The following MAP3K7CL variants were observed in gnomAD, a reference collection of about 807,000 sequenced individuals.
MAP3K7CL encodes MAP3K7 C-terminal like, also known as MAP3K7 C-terminal-like protein.
MAP3K7CL carries 16 observed loss-of-function variants against 18.6 expected under a neutral mutation model. That is an observed-to-expected ratio of 0.86 (90% CI 0.58 to 1.31). MAP3K7CL has a LOEUF of 1.31. Ranked by LOEUF, MAP3K7CL falls within the 50% of genes most tolerant of loss-of-function variation. The probability of loss-of-function intolerance (pLI) is 0.00; values close to 1 mark genes in which losing one functional copy is unlikely to be tolerated. For missense variants in MAP3K7CL, 163 were observed against 174.4 expected (o/e 0.93, Z 0.37); for synonymous variants, 65 against 66.8 (o/e 0.97, Z 0.13).
chr21:29,159,710 C>G (rs1275469885), intron 3 of MAP3K7CL, among the ~76,000 whole-genome samples: 4 of 152,046 alleles, frequency 2.6e-5, no homozygotes, highest in African/African-American at 9.7e-5. Context: ...GCCTGAGATG[C>G]CCATGAATGA....
chr21:29,125,362 C>T (rs1025790361), intron 4 of MAP3K7CL, among the ~76,000 whole-genome samples: 1 of 152,180 alleles, frequency 6.6e-6, no homozygotes, highest in African/African-American at 2.4e-5. Context: ...ATTGCTCTGT[C>T]TCCTTCATTA....
In MAP3K7CL at chr21:29,141,888, A is replaced by G. The variant is rs552327534; in HGVS notation, c.71-7301A>G. 5.3e-5 allele frequency among the ~76,000 whole-genome samples: 8 copies of G among 152,308 alleles called. 1 individual carries two copies. Among genetic ancestry groups the G allele is most frequent in the African/African-American group, 1.9e-4 (8 of 41,572 alleles). On this transcript the variant is annotated intron_variant, in intron 2 of 4. Transcript: ENST00000399928. Reference sequence around the variant, plus strand: ...TACTCTAACAAGGACTTGGGTATCTAGCAATTAATTTTTTTTGATATATTG... The same window carrying G: ...TACTCTAACAAGGACTTGGGTATCTGGCAATTAATTTTTTTTGATATATTG...
upstream of MAP3K7CL, chr21:29,077,402 CG>C (rs2085766696): frequency 6.5e-6 from 1 of 153,216 alleles, no homozygotes; most frequent in African/African-American, 2.4e-5. Context: ...GGCCGGCAGG[CG>C]GCTCCGAGTT....
At chr21:29,117,691 G>A (rs1473585276) in intron 4 of MAP3K7CL, among the ~76,000 whole-genome samples, 1 of 152,226 alleles carries the variant, frequency 6.6e-6, no homozygotes, top group East Asian at 1.9e-4. Flanking sequence ...ATTTTAGGAT[G>A]TGATGGCTTA....
chr21:29,164,767 G>A (rs750207872), intron 4 of MAP3K7CL, among the ~76,000 whole-genome samples: 33 of 151,646 alleles, frequency 2.2e-4, no homozygotes, highest in African/African-American at 5.8e-4. Context: ...TTTCTTCTCC[G>A]TGTGAAAAAG....
intron 4 of MAP3K7CL, among the ~76,000 whole-genome samples, chr21:29,103,112 C>T (rs1037260502): frequency 2.0e-5 from 3 of 152,180 alleles, no homozygotes; most frequent in Non-Finnish European, 4.4e-5. Context: ...AAGTACTGCT[C>T]CAAGGCCAAA....
At chr21:29,080,905 A>G (rs1192140942), upstream of MAP3K7CL, among the ~76,000 whole-genome samples, 1 of 152,070 alleles carries the variant, frequency 6.6e-6, no homozygotes, top group East Asian at 1.9e-4. Context: ...AGCCATGGCC[A>G]GGCTTGTGAG....
chr21:29,099,945 T>C (rs113445810), intron 4 of MAP3K7CL, among the ~76,000 whole-genome samples: 7,630 of 151,598 alleles, frequency 0.05, 243 homozygotes, highest in Non-Finnish European at 0.075. Flanking sequence ...TAGCCGGGCG[T>C]GGTGGCGGGC....
chr21:29,108,353 A>T (rs2146550770), intron 4 of MAP3K7CL, among the ~76,000 whole-genome samples: 1 of 152,334 alleles, frequency 6.6e-6, no homozygotes, highest in South Asian at 2.1e-4. Context: ...GAATGGAATC[A>T]GCTAGCACCT....
At chr21:29,136,801 G>A (rs148946463) in intron 2 of MAP3K7CL, among the ~76,000 whole-genome samples, 1,549 of 152,282 alleles carry the variant, frequency 0.01, 23 homozygotes, top group African/African-American at 0.035. Context: ...GATTACAGGC[G>A]TGAGCCACCA....
chr21:29,085,533 C>G (rs962078453), upstream of MAP3K7CL, among the ~76,000 whole-genome samples: 3 of 123,908 alleles, frequency 2.4e-5, no homozygotes, highest in Non-Finnish European at 4.7e-5. Flanking sequence ...GGTGACAGAG[C>G]CAGACTCTGT....
intron 2 of MAP3K7CL, among the ~76,000 whole-genome samples, chr21:29,137,445 C>G (rs536273998): frequency 2.4e-3 from 363 of 152,254 alleles, no homozygotes; most frequent in African/African-American, 8.2e-3. Context: ...TTAGTAATTG[C>G]TTCTTGGAAG....
rs1166550061 is a variant in MAP3K7CL at position 29,123,055 on chromosome 21, C to CTTTTTTTTTTTTTTTTTTTTTTTTT, written c.371-26110_371-26109insTTTTTTTTTTTTTTTTTTTTTTTTT. On this transcript the variant is annotated intron_variant, in intron 4 of 6. Transcript: ENST00000286791. Reference sequence around the variant, plus strand: ...AAGTCAATACTGGAGAAGAAATGATCTTTTTTTTTTTTTTTTTTTTTTTTG... The same window carrying CTTTTTTTTTTTTTTTTTTTTTTTTT: ...AAGTCAATACTGGAGAAGAAATGATCTTTTTTTTTTTTTTTTTTTTTTTTTTTTTTTTTTTTTTTTTTTTTTTTTG... Among the ~76,000 whole-genome samples the CTTTTTTTTTTTTTTTTTTTTTTTTT allele has an allele frequency of 3.4e-5, 3 of 89,336 alleles. 1 individual carries two copies. Among genetic ancestry groups the CTTTTTTTTTTTTTTTTTTTTTTTTT allele is most frequent in the African/African-American group, 1.1e-4 (2 of 18,944 alleles). The allele number at this position is 89,336 out of a possible 152,430, so 58.6% of individuals were successfully genotyped here.
chr21:29,141,846 G>T (rs2087016036), intron 2 of MAP3K7CL, among the ~76,000 whole-genome samples: 1 of 151,992 alleles, frequency 6.6e-6, no homozygotes. Flanking sequence ...CTTTTGTTGT[G>T]TCTTAAAACT....
intron 3 of MAP3K7CL, 79 bp from the exon 4 acceptor site, chr21:29,159,862 A>T: frequency 1.8e-6 from 2 of 1,104,770 alleles, no homozygotes; most frequent in Non-Finnish European, 2.7e-6. Context: ...CTTCGTTTAA[A>T]GAACATCAGC....
chr21:29,172,530 C>G (rs2123252784), intron 4 of MAP3K7CL, among the ~76,000 whole-genome samples: 1 of 152,238 alleles, frequency 6.6e-6, no homozygotes, highest in South Asian at 2.1e-4. Context: ...TTGTAGGAGA[C>G]ACTGAGGTTA....
upstream of MAP3K7CL, among the ~76,000 whole-genome samples, chr21:29,127,522 T>A (rs2086700119): frequency 6.6e-6 from 1 of 152,230 alleles, no homozygotes; most frequent in African/African-American, 2.4e-5. Flanking sequence ...AATACATCAT[T>A]GCTCATATGG....
chr21:29,091,722 G>A (rs1457036504), exon 3 of MAP3K7CL: 1 of 702,398 alleles, frequency 1.4e-6, no homozygotes, highest in Admixed American at 2.0e-5. Flanking sequence ...GCTTCAAGCA[G>A]TCCTCCTGCT....
At chr21:29,171,852 C>T (rs1313784249) in intron 4 of MAP3K7CL, among the ~76,000 whole-genome samples, 1 of 148,576 alleles carries the variant, frequency 6.7e-6, no homozygotes, top group Non-Finnish European at 1.5e-5. Context: ...ATATCCTTTA[C>T]TGGATTCACC....
Sources: gnomAD v4.1 joint callset for allele counts (sites outside exome capture counted in the v4.1 genomes callset) on GRCh38, gnomAD v4.1.1 for gene constraint, MANE v1.5 for transcripts, NCBI Gene and HGNC (gene_info 2026-07-23, HGNC 2026-07-21) for gene names.